Variants in OPCML observed in about 807,000 individuals in gnomAD.
The protein encoded by OPCML is opioid-binding protein/cell adhesion molecule.
Under a neutral mutation model 37.8 loss-of-function variants are expected in OPCML, and 13 were observed. That is an observed-to-expected ratio of 0.34 (90% CI 0.22 to 0.55). The LOEUF (loss-of-function observed/expected upper bound fraction) is 0.55. Ranked by LOEUF, OPCML falls within the 20% of genes least tolerant of loss-of-function variation. OPCML has a pLI of 0.91. For synonymous variants in OPCML, 176 were observed against 168.8 expected (o/e 1.04, Z -0.33); for missense variants, 341 against 435.6 (o/e 0.78, Z 1.93).
chr11:132,927,375 C>T (rs953382287), intron 2 of OPCML, among the ~76,000 whole-genome samples: 3 of 152,104 alleles, frequency 2.0e-5, no homozygotes, highest in African/African-American at 7.2e-5. Context: ...TCTTGCCTCC[C>T]AGAAGGCGGT....
intron 1 of OPCML, among the ~76,000 whole-genome samples, chr11:133,108,203 T>C (rs1018867901): frequency 1.5e-4 from 23 of 152,216 alleles, no homozygotes; most frequent in Non-Finnish European, 2.8e-4. Context: ...TGCTGATCAG[T>C]GTCAAGGTAC....
At chr11:132,601,162 ACT>A (rs1333876399) in intron 3 of OPCML, among the ~76,000 whole-genome samples, 1 of 151,932 alleles carries the variant, frequency 6.6e-6, no homozygotes, top group African/African-American at 2.4e-5. Context: ...AGCACCAACA[ACT>A]CTCTGTAAAC....
intron 2 of OPCML, among the ~76,000 whole-genome samples, chr11:132,707,511 A>G (rs1591493166): frequency 6.6e-6 from 1 of 152,240 alleles, no homozygotes; most frequent in African/African-American, 2.4e-5. Context: ...ACATCTGCCC[A>G]CTGACAATGA....
intron 2 of OPCML, among the ~76,000 whole-genome samples, chr11:132,864,665 G>GA (rs1301592208): frequency 5.9e-5 from 9 of 152,212 alleles, no homozygotes; most frequent in Non-Finnish European, 1.2e-4. Context: ...TCATGACCAT[G>GA]AAGCAGGATA....
intron 2 of OPCML, among the ~76,000 whole-genome samples, chr11:132,916,439 C>A (rs1944607719): frequency 6.6e-6 from 1 of 152,122 alleles, no homozygotes; most frequent in South Asian, 2.1e-4. Context: ...TCTAGACAGG[C>A]ATGGACGTCA....
At chr11:132,515,616 G>C (rs1301698655) in intron 4 of OPCML, among the ~76,000 whole-genome samples, 1 of 152,170 alleles carries the variant, frequency 6.6e-6, no homozygotes, top group Admixed American at 6.5e-5. Context: ...TGGAACATTT[G>C]TGAGACTGGA....
At chr11:132,798,796 G>A (rs1275748858) in intron 2 of OPCML, among the ~76,000 whole-genome samples, 1 of 152,178 alleles carries the variant, frequency 6.6e-6, no homozygotes. Context: ...CAGCAGAATG[G>A]GTGTTTTGTT....
chr11:132,986,693 A>G (rs1005118027), intron 1 of OPCML, among the ~76,000 whole-genome samples: 2 of 152,144 alleles, frequency 1.3e-5, no homozygotes, highest in Non-Finnish European at 1.5e-5. Context: ...CTTTAGAAAG[A>G]TTTTCTTCTT....
chr11:133,201,774 C>T (rs1345251215), intron 1 of OPCML, among the ~76,000 whole-genome samples: 3 of 152,308 alleles, frequency 2.0e-5, no homozygotes, highest in Admixed American at 2.0e-4. Flanking sequence ...AATGTCAACA[C>T]TGGCTAAAGC....
At chr11:133,516,135 C>T in intron 1 of OPCML, among the ~76,000 whole-genome samples, 1 of 152,052 alleles carries the variant, frequency 6.6e-6, no homozygotes, top group Non-Finnish European at 1.5e-5. Flanking sequence ...GGACTGCGAC[C>T]CCCGCAGAGG....
chr11:133,077,984 C>T (rs914803931), intron 1 of OPCML, among the ~76,000 whole-genome samples: 5 of 152,218 alleles, frequency 3.3e-5, no homozygotes, highest in Admixed American at 2.0e-4. Flanking sequence ...TTATGGAAGC[C>T]GCGATTCTAG....
intron 1 of OPCML, among the ~76,000 whole-genome samples, chr11:133,412,901 GAAAATATCTCCCTTAGATGCTT>G (rs1206275617): frequency 6.6e-6 from 1 of 152,158 alleles, no homozygotes; most frequent in Non-Finnish European, 1.5e-5. Context: ...GTTTTTCACA[GAAAATATCTCCCTTAGATGCTT>G]AAAATATCTT....
chr11:133,505,996 A>C (rs1047133377), intron 1 of OPCML, among the ~76,000 whole-genome samples: 4 of 152,192 alleles, frequency 2.6e-5, no homozygotes, highest in African/African-American at 7.2e-5. Flanking sequence ...ACCATGCACA[A>C]AATAAGCCTC....
intron 1 of OPCML, chr11:133,439,490 T>G (rs372004403): frequency 5.2e-6 from 5 of 956,914 alleles, no homozygotes; most frequent in East Asian, 1.2e-4. Context: ...TTTTTTGAGA[T>G]GGAGTCTCAC....
intron 1 of OPCML, among the ~76,000 whole-genome samples, chr11:133,075,641 C>T (rs1948610169): frequency 6.6e-6 from 1 of 152,188 alleles, no homozygotes; most frequent in Non-Finnish European, 1.5e-5. Context: ...AAGCACGATC[C>T]ATCTACTCTG....
chr11:133,129,221 A>T (rs1346924721), intron 1 of OPCML, among the ~76,000 whole-genome samples: 1 of 152,118 alleles, frequency 6.6e-6, no homozygotes, highest in East Asian at 1.9e-4. Context: ...AGCTTCAGAG[A>T]TCTACAAAGA....
At chr11:132,888,950 A>C (rs1591759131) in intron 2 of OPCML, among the ~76,000 whole-genome samples, 4 of 152,180 alleles carry the variant, frequency 2.6e-5, no homozygotes, top group African/African-American at 9.6e-5. Flanking sequence ...AATCAGCCCT[A>C]AACTCTTAGA....
intron 1 of OPCML, among the ~76,000 whole-genome samples, chr11:133,305,340 T>C (rs1942887396): frequency 6.6e-6 from 1 of 152,148 alleles, no homozygotes; most frequent in Admixed American, 6.6e-5. Flanking sequence ...TGGAAAAGGA[T>C]GACTGACTCA....
At chr11:133,092,021 T>C (rs1283429573) in intron 1 of OPCML, among the ~76,000 whole-genome samples, 1 of 152,106 alleles carries the variant, frequency 6.6e-6, no homozygotes. Context: ...GTGGGGCATT[T>C]GAAAGGTGAT....
Sources: gnomAD v4.1 joint callset for allele counts (sites outside exome capture counted in the v4.1 genomes callset) on GRCh38, gnomAD v4.1.1 for gene constraint, MANE v1.5 for transcripts, NCBI Gene and HGNC (gene_info 2026-07-23, HGNC 2026-07-21) for gene names.